TRAK1: variants seen among roughly 807,000 people sequenced by gnomAD.
TRAK1 encodes trafficking kinesin-binding protein 1.
TRAK1 carries 33 observed loss-of-function variants against 92.1 expected under a neutral mutation model. The ratio of observed to expected loss-of-function variants is 0.36; its 90% CI spans 0.27 to 0.48. TRAK1 has a LOEUF of 0.48. TRAK1 is among the 20% of genes least tolerant of loss of function. The pLI, the probability that TRAK1 is intolerant of heterozygous loss-of-function variation, is 0.99. For synonymous variants in TRAK1, 521 were observed against 517.3 expected (o/e 1.01, Z -0.10); for missense variants, 1,123 against 1,257.9 (o/e 0.89, Z 1.62).
rs1253045794 is a variant in TRAK1, at chr3:42,193,806, A to G, written c.901-18A>G. On this transcript the variant is annotated intron_variant, in intron 8 of 15. Coordinates refer to ENST00000327628, the MANE Select transcript of TRAK1 (RefSeq NM_001042646.3). Reference sequence around the variant, plus strand: ...TACCAAGTATCTTAGGAAGTGATCTATCTTTGCCATGCTTTAGTGCGCAGT... The same window carrying G: ...TACCAAGTATCTTAGGAAGTGATCTGTCTTTGCCATGCTTTAGTGCGCAGT... 30 of 1,613,176 alleles carry G rather than the reference A, an allele frequency of 1.9e-5. No individual in the cohort carries two copies. Among genetic ancestry groups the G allele is most frequent in the Non-Finnish European group, 2.5e-5 (30 of 1,179,416 alleles).
chr3:42,143,147 T>C (rs1303221727), intron 2 of TRAK1, among the ~76,000 whole-genome samples: 1 of 152,042 alleles, frequency 6.6e-6, no homozygotes, highest in Non-Finnish European at 1.5e-5. Context: ...AAGAGTTGTT[T>C]TGTTTGTTTG....
intron 1 of TRAK1, among the ~76,000 whole-genome samples, chr3:42,031,066 C>T (rs1368368927): frequency 1.4e-5 from 2 of 141,914 alleles, no homozygotes; most frequent in African/African-American, 5.3e-5. Context: ...GATGGAGTCT[C>T]GCTCTGTCAC....
chr3:42,027,655 A>T (rs1701970946), intron 1 of TRAK1, among the ~76,000 whole-genome samples: 1 of 152,224 alleles, frequency 6.6e-6, no homozygotes, highest in South Asian at 2.1e-4. Context: ...AAAAAGCCCC[A>T]AACCTAAACT....
intron 2 of TRAK1, among the ~76,000 whole-genome samples, chr3:42,143,278 G>C (rs1439167155): frequency 1.4e-5 from 2 of 144,720 alleles, no homozygotes; most frequent in Non-Finnish European, 3.0e-5. Context: ...GTGCTAACTT[G>C]AATCTTTATC....
rs1267446343 is a variant in TRAK1, at chr3:42,158,718, C to G, written c.287-18096C>G. On this transcript the variant is annotated intron_variant, in intron 2 of 15. Coordinates refer to ENST00000327628, the MANE Select transcript of TRAK1 (RefSeq NM_001042646.3). Reference sequence around the variant, plus strand: ...CAGCACTTTGGGAGGCTGAGGCATGCGGATCATGAGGTCAGGAGATTGAGA... The same window carrying G: ...CAGCACTTTGGGAGGCTGAGGCATGGGGATCATGAGGTCAGGAGATTGAGA... 2.8e-5 allele frequency among the ~76,000 whole-genome samples: 4 copies of G among 144,780 alleles called. No individual in the cohort carries two copies. In the South Asian group the frequency reaches 6.5e-4, roughly 23 times the overall value. The allele number at this position is 144,780 out of a possible 152,430, so 95.0% of individuals were successfully genotyped here.
intron 1 of TRAK1, among the ~76,000 whole-genome samples, chr3:42,108,833 C>T (rs1707950542): frequency 6.6e-6 from 1 of 151,840 alleles, no homozygotes; most frequent in Non-Finnish European, 1.5e-5. Context: ...CCATAATGCT[C>T]CTGTTTGAAG....
chr3:42,086,186 G>A (rs1176271772), upstream of TRAK1, among the ~76,000 whole-genome samples: 2 of 152,212 alleles, frequency 1.3e-5, no homozygotes, highest in Admixed American at 6.5e-5. Flanking sequence ...TGCTGTTGCC[G>A]GCGCAGAGCG....
chr3:42,058,767 AC>A (rs911333624), intron 1 of TRAK1, among the ~76,000 whole-genome samples: 2 of 151,980 alleles, frequency 1.3e-5, no homozygotes, highest in Non-Finnish European at 1.5e-5. Flanking sequence ...CTGAGCTCCC[AC>A]CCCCACACAC....
intron 2 of TRAK1, among the ~76,000 whole-genome samples, chr3:42,172,843 C>T (rs1702736160): frequency 6.6e-6 from 1 of 152,142 alleles, no homozygotes; most frequent in Admixed American, 6.5e-5. Context: ...CCATAATTTT[C>T]TTATATTAAA....
chr3:42,113,318 A>T (rs1174383267), intron 1 of TRAK1, among the ~76,000 whole-genome samples: 1 of 151,678 alleles, frequency 6.6e-6, no homozygotes, highest in East Asian at 1.9e-4. Context: ...TTGTTATTCT[A>T]CTCTACTCTC....
chr3:42,171,733 C>T (rs570344465), intron 2 of TRAK1, among the ~76,000 whole-genome samples: 5 of 152,250 alleles, frequency 3.3e-5, no homozygotes, highest in African/African-American at 1.2e-4. Context: ...ATTCCAGTCA[C>T]TCCTGAGCTT....
intron 1 of TRAK1, among the ~76,000 whole-genome samples, chr3:42,111,063 G>A (rs186549422): frequency 9.8e-4 from 149 of 152,298 alleles, no homozygotes; most frequent in African/African-American, 3.5e-3. Flanking sequence ...CACCTATCTA[G>A]GGAGGTGGCC....
intron 2 of TRAK1, among the ~76,000 whole-genome samples, chr3:42,141,050 A>G (rs567837618): frequency 3.3e-5 from 5 of 152,288 alleles, no homozygotes; most frequent in East Asian, 1.9e-4. Context: ...GGATGCGGCA[A>G]TATCTGTGAG....
intron 1 of TRAK1, among the ~76,000 whole-genome samples, chr3:42,023,539 G>A (rs1035628312): frequency 6.6e-6 from 1 of 152,060 alleles, no homozygotes; most frequent in East Asian, 1.9e-4. Flanking sequence ...AGGTGAGAGA[G>A]GGTGGGGGTT....
At chr3:42,117,293 C>T (rs951086893) in intron 1 of TRAK1, among the ~76,000 whole-genome samples, 1 of 152,098 alleles carries the variant, frequency 6.6e-6, no homozygotes, top group African/African-American at 2.4e-5. Context: ...GGGGCAGAAC[C>T]GAGGCTGGGC....
chr3:42,199,694 G>A (rs1358831058), intron 11 of TRAK1, among the ~76,000 whole-genome samples: 1 of 152,230 alleles, frequency 6.6e-6, no homozygotes, highest in African/African-American at 2.4e-5. Flanking sequence ...CTGGCTTCAA[G>A]TGATCGTCCT....
intron 15 of TRAK1, chr3:42,220,560 C>G (rs991546450): frequency 1.0e-6 from 1 of 985,296 alleles, no homozygotes; most frequent in African/African-American, 1.7e-5. Context: ...AGATATAGGG[C>G]AGAGAGTCTG....
At chr3:42,217,515 A>G (rs1242245450) in intron 14 of TRAK1, 1 of 985,010 alleles carries the variant, frequency 1.0e-6, no homozygotes, top group African/African-American at 1.8e-5. Context: ...TCCATCTTAC[A>G]CTCCCTATTG....
chr3:42,013,426 G>A (rs1290619583), upstream of TRAK1, among the ~76,000 whole-genome samples: 3 of 152,162 alleles, frequency 2.0e-5, no homozygotes, highest in Non-Finnish European at 4.4e-5. This position sits in a 1 kb window ranked among gnomAD's most constrained non-coding sequence, Gnocchi z 5.1. Context: ...GTCTTTACCG[G>A]ATACTTCTCT....
Sources: allele counts gnomAD v4.1 joint callset (sites outside exome capture counted in the v4.1 genomes callset), GRCh38; gene constraint gnomAD v4.1.1; non-coding constraint Gnocchi (gnomAD v3.1); transcripts MANE v1.5; gene names NCBI Gene and HGNC (gene_info 2026-07-23, HGNC 2026-07-21).